The following CEP250 variants were observed in gnomAD, a reference collection of about 807,000 sequenced individuals.
CEP250 encodes centrosomal protein 250.
A neutral mutation model predicts 315.7 loss-of-function variants in CEP250; 242 were observed. The observed-to-expected ratio is 0.77, with a 90% CI of 0.69 to 0.85. CEP250 has a LOEUF of 0.85. Among genes scored for constraint, CEP250 ranks in the 40% least tolerant of loss-of-function variants. The probability of loss-of-function intolerance (pLI) is 0.00; values close to 1 mark genes in which losing one functional copy is unlikely to be tolerated. For missense variants in CEP250, 2,515 were observed against 2,886.4 expected (o/e 0.87, Z 2.95); for synonymous variants, 1,088 against 1,175.0 (o/e 0.93, Z 1.51).
At chr20:35,484,182 C>G (rs1391159858) in intron 20 of CEP250, among the ~76,000 whole-genome samples, 1 of 149,360 alleles carries the variant, frequency 6.7e-6, no homozygotes, top group Non-Finnish European at 1.5e-5. Flanking sequence ...CTTTTTTTTT[C>G]TTTTTTCTTT....
chr20:35,466,927 C>T, intron 7 of CEP250, 39 bp from the exon 8 acceptor site: 7 of 1,339,624 alleles, frequency 5.2e-6, no homozygotes, highest in Non-Finnish European at 7.5e-6. Flanking sequence ...AAAGATAGCC[C>T]TCTGCCTTTG....
intron 30 of CEP250, among the ~76,000 whole-genome samples, chr20:35,506,421 C>T (rs550285989): frequency 3.9e-5 from 6 of 152,258 alleles, no homozygotes; most frequent in Admixed American, 6.5e-5. Flanking sequence ...GTCTTAGTCA[C>T]CTTTGTACCC....
rs1253745173 is a variant in CEP250, at chr20:35,493,486, G to A, written c.2947G>A (p.Ala983Thr). ...GGAGGCTCAACGGGAGCTGAAGGAG[G>A]CAGCCCGGCAGCACAGAGATGACCT... ...LQEAQRELKE[A>T]ARQHRDDLAA... The change falls in exon 23 of 35, where the codon GCA becomes ACA. Residue 983 changes from alanine to threonine, a missense_variant. Transcript: ENST00000397527. 1.9e-6 allele frequency: 3 copies of A among 1,610,050 alleles called. No homozygotes were observed. Among genetic ancestry groups the A allele is most frequent in the East Asian group, 2.3e-5 (1 of 44,438 alleles).
intron 10 of CEP250, 88 bp from the exon 11 acceptor site, chr20:35,471,962 G>C: frequency 1.3e-6 from 1 of 790,654 alleles, no homozygotes; most frequent in Non-Finnish European, 2.2e-6. Flanking sequence ...AGAATAGACA[G>C]AATGAGACTT....
intron 9 of CEP250, 22 bp downstream of exon 9, chr20:35,467,577 A>G (rs224356): frequency 1 from 1,609,036 of 1,610,366 alleles, 803,869 homozygotes; most frequent in East Asian, 1. Flanking sequence ...TGGGGTCCCA[A>G]GAAGGGTTCG....
At chr20:35,490,477 G>C (rs1027256000) in intron 20 of CEP250, among the ~76,000 whole-genome samples, 160 bp from the exon 21 acceptor site, 2 of 152,150 alleles carry the variant, frequency 1.3e-5, no homozygotes, top group Non-Finnish European at 2.9e-5. Context: ...AGATAAGGCA[G>C]GGAATATTAG....
chr20:35,498,072 G>A lies in CEP250; in HGVS notation c.3655+5G>A. The A allele has an allele frequency of 1.9e-6, 3 of 1,551,862 alleles. No individual in the cohort carries two copies. Among genetic ancestry groups the A allele is most frequent in the South Asian group, 1.2e-5 (1 of 84,334 alleles). ...CCGTCTGGGGCCTTGAGCCAGGTGA[G>A]ACAGCCTCCCCAGAACTAGGTCCTT... is the stretch of plus-strand genomic sequence containing the variant. On this transcript the variant is annotated splice_donor_5th_base_variant and intron_variant, in intron 26 of 34. Transcript: ENST00000397527.
intron 20 of CEP250, among the ~76,000 whole-genome samples, chr20:35,481,449 T>C (rs1281859499): frequency 6.6e-6 from 1 of 152,164 alleles, no homozygotes; most frequent in African/African-American, 2.4e-5. Flanking sequence ...CTTGTTTCAC[T>C]GCTCCCTAAT....
intron 34 of CEP250, 118 bp downstream of exon 34, chr20:35,510,172 A>G: frequency 2.2e-6 from 2 of 895,634 alleles, no homozygotes; most frequent in Non-Finnish European, 3.7e-6. Context: ...CATGGGAGGC[A>G]AAAATAGTCC....
At chr20:35,472,301 A>G in intron 11 of CEP250, 150 bp downstream of exon 11, 1 of 620,564 alleles carries the variant, frequency 1.6e-6, no homozygotes, top group South Asian at 1.9e-5. Context: ...GAAGACCAGA[A>G]CCCTAAGAGA....
intron 2 of CEP250, among the ~76,000 whole-genome samples, chr20:35,459,147 G>C (rs1601104046): frequency 6.6e-6 from 1 of 151,172 alleles, no homozygotes. Context: ...ATCATTTTTT[G>C]AGATAAGTGG....
At chr20:35,463,660 C>T (rs777001841) in intron 5 of CEP250, 29 bp downstream of exon 5, 9 of 1,582,670 alleles carry the variant, frequency 5.7e-6, no homozygotes, top group South Asian at 1.1e-5. Context: ...TCTGCACCCC[C>T]TGGGTCCTCA....
At chr20:35,474,201 A>G (rs890580972) in intron 14 of CEP250, 149 bp downstream of exon 14, 5 of 685,944 alleles carry the variant, frequency 7.3e-6, no homozygotes, top group Non-Finnish European at 9.2e-6. Flanking sequence ...TCCTTTGCAG[A>G]AAGATGAATA....
intron 13 of CEP250, 22 bp downstream of exon 13, chr20:35,473,574 C>T: frequency 3.2e-6 from 5 of 1,587,072 alleles, no homozygotes; most frequent in Non-Finnish European, 4.3e-6. Context: ...GGCTGTTCAT[C>T]CCACCCTCCC....
At chr20:35,455,467 G>A (rs2062595841), upstream of CEP250, 1 of 152,308 alleles carries the variant, frequency 6.6e-6, no homozygotes, top group Admixed American at 6.5e-5. Context: ...GGCGCCGAAG[G>A]AGAGCTTCCC....
rs2064144819 is a variant in CEP250 at position 35,504,976 on chromosome 20, G to A, written c.6607G>A (p.Glu2203Lys). Residue 2203 changes from glutamate (E) to lysine (K), a missense_variant, in exon 30 of 35, where the codon GAG becomes AAG. Coordinates refer to ENST00000397527, the MANE Select transcript of CEP250 (RefSeq NM_007186.6). Reference sequence around the variant, plus strand: ...CATGTTCCTACAAGCCTCTGTCCTGGAGCGGGACTCAGAACAGCAAAGGCT... The same window carrying A: ...CATGTTCCTACAAGCCTCTGTCCTGAAGCGGGACTCAGAACAGCAAAGGCT... ...VAMFLQASVL[E>K]RDSEQQRLQD... is the part of the protein sequence containing the mutation. The A allele has an allele frequency of 3.1e-6, 5 of 1,611,514 alleles. No individual in the cohort carries two copies. The highest frequency in any genetic ancestry group is 2.7e-5 in the African/African-American group (2 of 74,862).
chr20:35,482,842 G>A (rs1041429392), intron 20 of CEP250, among the ~76,000 whole-genome samples: 2 of 152,140 alleles, frequency 1.3e-5, no homozygotes, highest in African/African-American at 2.4e-5. Context: ...GATTAAAGGC[G>A]TGAGACCACG....
At chr20:35,458,559 A>T (rs1023055547) in intron 2 of CEP250, among the ~76,000 whole-genome samples, 185 bp downstream of exon 2, 2 of 7,418 alleles carry the variant, frequency 2.7e-4, no homozygotes, top group Non-Finnish European at 2.8e-4. Context: ...TCTTATTTAG[A>T]TGTAATCCAA....
intron 21 of CEP250, 76 bp downstream of exon 21, chr20:35,490,880 C>T: frequency 6.5e-7 from 1 of 1,527,296 alleles, no homozygotes; most frequent in Non-Finnish European, 8.9e-7. Flanking sequence ...TTTCTACTCC[C>T]AAGAGGAGTG....
Sources: gnomAD v4.1 joint callset for allele counts (sites outside exome capture counted in the v4.1 genomes callset) on GRCh38, gnomAD v4.1.1 for gene constraint, MANE v1.5 for transcripts, NCBI Gene and HGNC (gene_info 2026-07-23, HGNC 2026-07-21) for gene names.